SH2D1A: variants seen among roughly 807,000 people sequenced by gnomAD.
SH2D1A encodes SH2 domain-containing protein 1A.
In SH2D1A, 6 loss-of-function variants were observed where a neutral mutation model predicts 10.1. That is an observed-to-expected ratio of 0.60 (90% CI 0.33 to 1.18). SH2D1A has a LOEUF of 1.18. Ranked by LOEUF, SH2D1A falls within the 50% of genes most tolerant of loss-of-function variation. SH2D1A has a pLI of 0.04. For synonymous variants in SH2D1A, 42 were observed against 36.9 expected, an observed-to-expected ratio of 1.14 and a Z score of -0.51; for missense variants, 51 against 97.6, an observed-to-expected ratio of 0.52 and a Z score of 2.01.
intron 3 of SH2D1A, among the ~76,000 whole-genome samples, chrX:124,370,845 C>A (rs777729971): frequency 1.2e-4 from 13 of 112,006 alleles, no homozygotes; most frequent in Admixed American, 1.1e-3. Flanking sequence ...GTTCCACTGG[C>A]ACATATTGTT....
chrX:124,360,140 AGGTGATCT>A (rs1174465206), intron 1 of SH2D1A, among the ~76,000 whole-genome samples: 1 of 111,125 alleles, frequency 9.0e-6, no homozygotes, highest in Admixed American at 9.6e-5. Flanking sequence ...TCCTGACCTC[AGGTGATCT>A]GCCCACCTCA....
rs888739632 is a variant in SH2D1A at position 124,365,888 on chromosome X, T to C, written c.201+64T>C. The C allele has an allele frequency of 5.8e-6, 4 of 691,221 alleles. No individual in the cohort carries two copies. In the African/African-American group the frequency reaches 8.5e-5, roughly 15 times the overall value. 57.0% of individuals were successfully genotyped at this position (691,221 alleles called of 1,213,427 possible). ...GAGGTATTTGAAATTTAGGCTGGTT[T>C]TATAAAAGAGCAAATTATACATTAT... On this transcript the variant is annotated intron_variant, in intron 2 of 3. Coordinates refer to ENST00000371139, the MANE Select transcript of SH2D1A (RefSeq NM_002351.5).
chrX:124,362,669 G>A (rs1051411478), intron 1 of SH2D1A, among the ~76,000 whole-genome samples: 1 of 111,620 alleles, frequency 9.0e-6, no homozygotes, highest in Non-Finnish European at 1.9e-5. Context: ...GCTAGAATGA[G>A]TTAATTTCTT....
intron 2 of SH2D1A, among the ~76,000 whole-genome samples, chrX:124,368,106 CAA>C (rs1343601726): frequency 9.0e-6 from 1 of 111,473 alleles, no homozygotes; most frequent in African/African-American, 3.3e-5. Flanking sequence ...CATGGATAAT[CAA>C]GTGTTAGCTA....
At position 124,354,429 on chromosome X, in the gene SH2D1A, G is replaced by A. The variant is rs1159324308; in HGVS notation, c.137+7650G>A. The stretch of plus-strand genomic sequence containing the variant: ...GATTCCCTCCCTTTTTGAGAATTGT[G>A]CTTTTGGAATTGTCTTAAAGACCAA... On this transcript the variant is annotated intron_variant, in intron 1 of 3. Transcript: ENST00000371139. Among the ~76,000 whole-genome samples the A allele has an allele frequency of 2.7e-5, 3 of 110,873 alleles. No individual in the cohort carries two copies. In the Admixed American group the frequency reaches 2.9e-4, roughly 11 times the overall value.
intron 1 of SH2D1A, among the ~76,000 whole-genome samples, chrX:124,356,680 C>T (rs756014455): frequency 9.0e-6 from 1 of 111,574 alleles, no homozygotes; most frequent in East Asian, 2.8e-4. Context: ...AGGCTGGTCT[C>T]GAACTCCTGA....
In SH2D1A at chrX:124,371,857, T is replaced by C. The variant is rs748312110; in HGVS notation, c.*466T>C. On this transcript the variant is annotated 3_prime_UTR_variant, in exon 4 of 4. Coordinates refer to ENST00000371139, the MANE Select transcript of SH2D1A (RefSeq NM_002351.5). ...ACTAGCTATGGTGTCATAGGCTCTT[T>C]TGGGATTTTTGAAGCTGTATACTGT... 1.3e-5 allele frequency: 2 copies of C among 159,170 alleles called. No individual in the cohort carries two copies. Among genetic ancestry groups the C allele is most frequent in the African/African-American group, 6.1e-5 (2 of 32,729 alleles). 13.1% of individuals were successfully genotyped at this position (159,170 alleles called of 1,213,427 possible).
chrX:124,356,060 C>G (rs1455041443), intron 1 of SH2D1A, among the ~76,000 whole-genome samples: 3 of 81,187 alleles, frequency 3.7e-5, no homozygotes, highest in African/African-American at 4.7e-5. Flanking sequence ...TCCCTCCCCC[C>G]ACCCCAGGAC....
At chrX:124,363,890 C>CAAAAAAAAAAAAAAAAAAAAAAAAA (rs1211666787) in intron 1 of SH2D1A, among the ~76,000 whole-genome samples, 3 of 33,279 alleles carry the variant, frequency 9.0e-5, no homozygotes, top group Non-Finnish European at 1.4e-4. Context: ...GACTCTATCT[C>CAAAAAAAAAAAAAAAAAAAAAAAAA]AAAAAAAAAA....
chrX:124,365,916 AGT>A, intron 2 of SH2D1A, 92 bp downstream of exon 2: 2 of 572,822 alleles, frequency 3.5e-6, no homozygotes, highest in Non-Finnish European at 6.2e-6. Context: ...TACATTATTA[AGT>A]ATTCATAAGG....
rs57948305 is a variant in SH2D1A at position 124,360,600 on chromosome X, T to TAAA, written c.138-5139_138-5137dup. On this transcript the variant is annotated intron_variant, in intron 1 of 3. Transcript: ENST00000371139. ...CCTGGGTGACAGAGCAAGACACCAT[T>TAAA]AAAAAAAAAAAAAAAAAAAAAAAAG... is the stretch of plus-strand genomic sequence containing the variant. Among the ~76,000 whole-genome samples, 15 of 30,788 alleles carry TAAA rather than the reference T, an allele frequency of 4.9e-4. 2 individuals carry two copies. Among genetic ancestry groups the TAAA allele is most frequent in the East Asian group, 3.4e-3 (4 of 1,163 alleles). 26.7% of individuals were successfully genotyped at this position (30,788 alleles called of 115,157 possible). A position where few individuals can be genotyped will look rare whatever the true frequency, so the allele number is the denominator to read the frequency against.
intron 2 of SH2D1A, 57 bp downstream of exon 2, chrX:124,365,881 G>A (rs900011775): frequency 2.7e-6 from 2 of 751,072 alleles, no homozygotes; most frequent in Non-Finnish European, 4.2e-6. Context: ...TGAAATTTAG[G>A]CTGGTTTTAT....
rs139045675 is a variant in SH2D1A at position 124,365,768 on chromosome X, G to A, written c.145G>A (p.Gly49Ser). Reference sequence around the variant, plus strand: ...AAGTTTATTCTTTCACAGGTATCACGGTTACATTTATACATACCGAGTGTC... The same window carrying A: ...AAGTTTATTCTTTCACAGGTATCACAGTTACATTTATACATACCGAGTGTC... Reference protein sequence around the residue: ...GVYCLCVLYHGYIYTYRVSQT... With the variant: ...GVYCLCVLYHSYIYTYRVSQT... The change falls in exon 2 of 4, where the codon GGT becomes AGT. Residue 49 changes from glycine to serine, a missense_variant. Transcript: ENST00000371139. The A allele has an allele frequency of 1.5e-5, 17 of 1,146,852 alleles. No individual in the cohort carries two copies. The highest frequency in any genetic ancestry group is 1.9e-5 in the Non-Finnish European group (16 of 838,001). The allele number at this position is 1,146,852 out of a possible 1,213,427, so 94.5% of individuals were successfully genotyped here.
At chrX:124,348,273 C>A (rs1184689191) in intron 1 of SH2D1A, among the ~76,000 whole-genome samples, 2 of 111,223 alleles carry the variant, frequency 1.8e-5, no homozygotes, top group Non-Finnish European at 3.8e-5. Flanking sequence ...GCTCTTTTCT[C>A]ATTGAAAGAA....
intron 2 of SH2D1A, among the ~76,000 whole-genome samples, chrX:124,368,982 C>G (rs1489605117): frequency 9.0e-6 from 1 of 110,902 alleles, no homozygotes; most frequent in African/African-American, 3.3e-5. Flanking sequence ...AGAGAGTGTT[C>G]TACATCTACT....
chrX:124,361,619 T>C (rs2060040426), intron 1 of SH2D1A, among the ~76,000 whole-genome samples: 1 of 112,152 alleles, frequency 8.9e-6, no homozygotes, highest in South Asian at 3.7e-4. Context: ...TGATGAGGTC[T>C]CAGATGGAAA....
chrX:124,348,766 A>G (rs1026728230), intron 1 of SH2D1A, among the ~76,000 whole-genome samples: 4 of 112,247 alleles, frequency 3.6e-5, no homozygotes, highest in African/African-American at 1.3e-4. Flanking sequence ...CACCAGAAAC[A>G]CAGGAACACA....
intron 2 of SH2D1A, among the ~76,000 whole-genome samples, chrX:124,367,157 T>C (rs1485934000): frequency 8.9e-6 from 1 of 112,283 alleles, no homozygotes; most frequent in East Asian, 2.8e-4. Context: ...TTGTCTGATC[T>C]GACGTTGTTT....
At chrX:124,354,520 C>T (rs2060022060) in intron 1 of SH2D1A, among the ~76,000 whole-genome samples, 1 of 111,575 alleles carries the variant, frequency 9.0e-6, no homozygotes, top group African/African-American at 3.3e-5. Flanking sequence ...GAGCCCAGAT[C>T]TTCCAGCCAG....
Sources: gnomAD v4.1 joint callset for allele counts (sites outside exome capture counted in the v4.1 genomes callset) on GRCh38, gnomAD v4.1.1 for gene constraint, MANE v1.5 for transcripts, NCBI Gene and HGNC (gene_info 2026-07-23, HGNC 2026-07-21) for gene names.